SCEL: variants seen among roughly 807,000 people sequenced by gnomAD.
SCEL encodes the protein sciellin.
SCEL carries 113 observed loss-of-function variants against 117.6 expected under a neutral mutation model. The observed-to-expected ratio is 0.96, with a 90% CI of 0.83 to 1.12. The LOEUF (loss-of-function observed/expected upper bound fraction) is 1.12. SCEL is among the 50% of genes most tolerant of loss of function. SCEL has a pLI of 0.00. For synonymous variants in SCEL, 270 were observed against 256.2 expected (o/e 1.05, Z -0.51); for missense variants, 785 against 810.8 (o/e 0.97, Z 0.39).
intron 9 of SCEL, among the ~76,000 whole-genome samples, chr13:77,577,304 G>C (rs2086000330): frequency 6.6e-6 from 1 of 152,104 alleles, no homozygotes; most frequent in African/African-American, 2.4e-5. Flanking sequence ...CCACCTTGCT[G>C]GGGAGGCCTC....
chr13:77,625,894 A>G (rs983784155), intron 27 of SCEL, among the ~76,000 whole-genome samples: 4 of 152,218 alleles, frequency 2.6e-5, no homozygotes, highest in Non-Finnish European at 5.9e-5. Context: ...GTGACAATTT[A>G]GGACAGAAAT....
At chr13:77,558,008 G>A (rs2154396007) in intron 3 of SCEL, among the ~76,000 whole-genome samples, 1 of 152,302 alleles carries the variant, frequency 6.6e-6, no homozygotes, top group East Asian at 1.9e-4. Context: ...CTAACTTTTG[G>A]AGTTAGCACT....
chr13:77,617,069 GAC>G (rs1323662823), intron 24 of SCEL, among the ~76,000 whole-genome samples: 32 of 152,076 alleles, frequency 2.1e-4, no homozygotes, highest in Admixed American at 2.1e-3. Context: ...AATGGGAGCG[GAC>G]AGTTTTCAGA....
intron 12 of SCEL, among the ~76,000 whole-genome samples, chr13:77,594,016 TC>T: frequency 1.2e-3 from 1 of 862 alleles, no homozygotes; most frequent in African/African-American, 9.1e-3. Context: ...TCCTTCTCCT[TC>T]CCCTTCCCCT....
chr13:77,597,845 C>T (rs2087341057), intron 13 of SCEL, among the ~76,000 whole-genome samples: 1 of 151,936 alleles, frequency 6.6e-6, no homozygotes, highest in South Asian at 2.1e-4. Context: ...TAAATAACCA[C>T]TTTTCTCTTC....
At chr13:77,621,495 A>G (rs1330950677) in intron 27 of SCEL, among the ~76,000 whole-genome samples, 1 of 152,198 alleles carries the variant, frequency 6.6e-6, no homozygotes, top group Non-Finnish European at 1.5e-5. Context: ...TGTGTGCATC[A>G]GATGCTTCTT....
At chr13:77,585,843 C>T (rs1427139551) in intron 9 of SCEL, among the ~76,000 whole-genome samples, 1 of 152,142 alleles carries the variant, frequency 6.6e-6, no homozygotes, top group Non-Finnish European at 1.5e-5. Context: ...TTCAGCCTCC[C>T]CTCTGAATGA....
intron 9 of SCEL, among the ~76,000 whole-genome samples, chr13:77,585,745 G>C (rs2086527874): frequency 6.6e-6 from 1 of 151,950 alleles, no homozygotes. Flanking sequence ...CCCTGAACCT[G>C]ACCCAACCTA....
intron 1 of SCEL, among the ~76,000 whole-genome samples, chr13:77,543,141 T>TG (rs2083804612): frequency 6.8e-6 from 1 of 147,896 alleles, no homozygotes; most frequent in Non-Finnish European, 1.5e-5. Flanking sequence ...TGGAGTGCAG[T>TG]GGCGGGATCT....
At chr13:77,551,379 C>G (rs1266635864) in intron 1 of SCEL, among the ~76,000 whole-genome samples, 1 of 152,144 alleles carries the variant, frequency 6.6e-6, no homozygotes, top group African/African-American at 2.4e-5. Context: ...AATGACTTGC[C>G]TATTTTATAA....
intron 24 of SCEL, among the ~76,000 whole-genome samples, chr13:77,616,007 T>G (rs911661075): frequency 1.4e-4 from 12 of 85,986 alleles, no homozygotes; most frequent in African/African-American, 6.3e-4. Context: ...TGTCTCTCTG[T>G]GTGTGTGTGT....
At chr13:77,621,420 T>A (rs2089412926) in intron 27 of SCEL, among the ~76,000 whole-genome samples, 1 of 152,198 alleles carries the variant, frequency 6.6e-6, no homozygotes, top group Admixed American at 6.5e-5. Flanking sequence ...TAACTTCTAC[T>A]TATCCTTTAG....
At chr13:77,599,449 C>G in intron 14 of SCEL, 61 bp downstream of exon 14, 1 of 1,370,674 alleles carries the variant, frequency 7.3e-7, no homozygotes, top group Non-Finnish European at 1.0e-6. Flanking sequence ...CTTATTCCCT[C>G]AGACATTAGC....
chr13:77,564,018 C>A, intron 5 of SCEL, 119 bp downstream of exon 5: 1 of 653,612 alleles, frequency 1.5e-6, no homozygotes, highest in Non-Finnish European at 2.4e-6. Context: ...ATATTTTATT[C>A]CCAGGGATGG....
At chr13:77,574,869 T>C (rs2085847164) in intron 9 of SCEL, among the ~76,000 whole-genome samples, 2 of 152,152 alleles carry the variant, frequency 1.3e-5, no homozygotes, top group African/African-American at 4.8e-5. Flanking sequence ...CTCCCCCTTC[T>C]CTCCTCTCCT....
chr13:77,609,877 C>G (rs1386638931), intron 21 of SCEL, among the ~76,000 whole-genome samples, 170 bp from the exon 22 acceptor site: 1 of 152,070 alleles, frequency 6.6e-6, no homozygotes, highest in East Asian at 1.9e-4. Context: ...TTAGTTAGGT[C>G]CCTATATGTA....
chr13:77,563,799 T>A (rs1451113963), intron 4 of SCEL, 32 bp from the exon 5 acceptor site: 10 of 1,422,412 alleles, frequency 7.0e-6, no homozygotes, highest in South Asian at 1.3e-5. Context: ...TTGATTTGAT[T>A]TTTTTTTTTT....
intron 28 of SCEL, among the ~76,000 whole-genome samples, chr13:77,631,373 A>T (rs961398292): frequency 5.9e-5 from 9 of 152,182 alleles, no homozygotes; most frequent in African/African-American, 2.2e-4. Context: ...ACTATCACAG[A>T]CCCTAGGAGA....
At chr13:77,640,911 T>C in intron 31 of SCEL, 127 bp downstream of exon 31, 1 of 520,282 alleles carries the variant, frequency 1.9e-6, no homozygotes, top group Non-Finnish European at 3.4e-6. Context: ...ACATTAATAG[T>C]ACACTACTTA....
Sources: gnomAD v4.1 joint callset for allele counts (sites outside exome capture counted in the v4.1 genomes callset) on GRCh38, gnomAD v4.1.1 for gene constraint, MANE v1.5 for transcripts, NCBI Gene and HGNC (gene_info 2026-07-23, HGNC 2026-07-21) for gene names.